The following ADAMTS16 variants were observed in gnomAD, a reference collection of about 807,000 sequenced individuals.
The protein encoded by ADAMTS16 is A disintegrin and metalloproteinase with thrombospondin motifs 16.
In ADAMTS16, 94 loss-of-function variants were observed where a neutral mutation model predicts 145.8. The observed-to-expected ratio is 0.64, with a 90% confidence interval of 0.55 to 0.77. The LOEUF is 0.77. ADAMTS16 is among the 30% of genes least tolerant of loss of function. The pLI is 0.00. For synonymous variants in ADAMTS16, 659 were observed against 604.3 expected, an observed-to-expected ratio of 1.09 and a Z score of -1.33; for missense variants, 1,585 against 1,591.5, an observed-to-expected ratio of 1.00 and a Z score of 0.07.
intron 13 of ADAMTS16, among the ~76,000 whole-genome samples, chr5:5,236,389 A>G (rs1354745985): frequency 2.6e-5 from 4 of 152,080 alleles, no homozygotes; most frequent in Non-Finnish European, 5.9e-5. Flanking sequence ...CTTGAAATGG[A>G]TTATTTAGGA....
rs187969203 is a variant in ADAMTS16 at position 5,191,242 on chromosome 5, G to T, written c.1208-443G>T. Among the ~76,000 whole-genome samples the T allele has an allele frequency of 5.9e-5, 9 of 152,310 alleles. No individual in the cohort carries two copies. In the East Asian group the frequency reaches 1.7e-3, roughly 29 times the overall value. ...AGGGTGACAAATGCTCGTTATGACA[G>T]ATGTGAATCATTAAAGCTGGGGGTG... is the stretch of plus-strand genomic sequence containing the variant. On this transcript the variant is annotated intron_variant, in intron 7 of 22. Coordinates refer to ENST00000274181, the MANE Select transcript of ADAMTS16 (RefSeq NM_139056.4).
At chr5:5,217,552 T>G (rs2126335940) in intron 10 of ADAMTS16, among the ~76,000 whole-genome samples, 1 of 152,304 alleles carries the variant, frequency 6.6e-6, no homozygotes, top group South Asian at 2.1e-4. Flanking sequence ...TTTGAGGAAG[T>G]GAATCTGGTA....
Position 5,256,157 on chromosome 5 carries a change from T to A in ADAMTS16, c.2663-6500T>A, listed in dbSNP as rs377214384. On this transcript the variant is annotated intron_variant, in intron 17 of 22. Transcript: ENST00000274181. ...ATGTGCTTTTCATCCATCAGCATTC[T>A]CAACTGAAGATTCTACTGTCCCTCA... Among the ~76,000 whole-genome samples, 18 of 152,356 alleles carry A rather than the reference T, an allele frequency of 1.2e-4. No individual in the cohort carries two copies. The East Asian group carries it at 3.5e-3, about 29-fold the overall frequency.
At chr5:5,194,751 A>T (rs949417555) in intron 8 of ADAMTS16, among the ~76,000 whole-genome samples, 2 of 152,236 alleles carry the variant, frequency 1.3e-5, no homozygotes, top group Non-Finnish European at 2.9e-5. Context: ...TGGAGCAAAC[A>T]TCAGAGCATC....
chr5:5,320,131 G>A lies in ADAMTS16; in HGVS notation c.*993G>A, dbSNP rs1442724036. 3.5e-5 allele frequency: 11 copies of A among 317,210 alleles called. No homozygotes were observed. The highest frequency in any genetic ancestry group is 5.9e-5 in the Non-Finnish European group (10 of 169,174). 19.6% of individuals were successfully genotyped at this position (317,210 alleles called of 1,614,324 possible). On this transcript the variant is annotated 3_prime_UTR_variant, in exon 23 of 23. Transcript: ENST00000274181. The surrounding 1 kb of genome is among the most constrained non-coding windows in gnomAD (Gnocchi z 5.1). ...TGGCCATTTCTATAATGCCAGGTGGGAAGCCAGGCTGCGGGTGTTAGGGTG... is the reference window on the plus strand; with the variant it reads ...TGGCCATTTCTATAATGCCAGGTGGAAAGCCAGGCTGCGGGTGTTAGGGTG...
intron 9 of ADAMTS16, among the ~76,000 whole-genome samples, chr5:5,202,797 G>C (rs1303943051): frequency 6.6e-6 from 1 of 152,088 alleles, no homozygotes; most frequent in African/African-American, 2.4e-5. Context: ...TATAATTTGG[G>C]TGTGTAGTGA....
chr5:5,319,122 C>G lies in ADAMTS16; in HGVS notation c.3659C>G (p.Ser1220Cys), dbSNP rs1397580036. The G allele has an allele frequency of 1.9e-6, 3 of 1,611,082 alleles. No individual in the cohort carries two copies. Among genetic ancestry groups the G allele is most frequent in the South Asian group, 1.1e-5 (1 of 90,186 alleles). ...GGCAAGCAGTGCTGCAAGACTTGCT[C>G]TAAGTCCAACTTGTGAGTTGGGACC... Reference protein sequence around the residue: ...FYGKQCCKTCSKSNL With the variant: ...FYGKQCCKTCCKSNL The change falls in exon 23 of 23, where the codon TCT becomes TGT. Residue 1220 changes from serine (S) to cysteine (C), a missense_variant. By Grantham distance (112) the Ser-to-Cys change is moderately radical (BLOSUM62 -1). Transcript: ENST00000274181.
At chr5:5,268,883 G>A (rs1738359015) in intron 18 of ADAMTS16, among the ~76,000 whole-genome samples, 1 of 152,122 alleles carries the variant, frequency 6.6e-6, no homozygotes, top group Admixed American at 6.5e-5. Context: ...CCAAGACGGA[G>A]GTAGTCGAGC....
chr5:5,158,078 C>T (rs1431479487), intron 3 of ADAMTS16, among the ~76,000 whole-genome samples: 1 of 152,212 alleles, frequency 6.6e-6, no homozygotes, highest in East Asian at 1.9e-4. Context: ...AGTAATATCA[C>T]ACTGTTTCAC....
In ADAMTS16 at chr5:5,232,349, T is replaced by C. The variant is rs371847143; in HGVS notation, c.1702-19T>C. On this transcript the variant is annotated intron_variant, in intron 11 of 22. Transcript: ENST00000274181. ...CATCTGTGTGAGTCAAGTCAACTTA[T>C]TTATGTTGAAAATTTTAGTGGTGCC... The C allele has an allele frequency of 1.2e-5, 20 of 1,613,732 alleles. No homozygotes were observed. Among genetic ancestry groups the C allele is most frequent in the Non-Finnish European group, 1.7e-5 (20 of 1,179,896 alleles).
In ADAMTS16 at chr5:5,297,112, C is replaced by T. The variant is rs534764138; in HGVS notation, c.2790-6156C>T. ...ACCTTGCTTCTGGGAGCACAGTCTCCACACACATAAGACGAGGCTGGTAAA... is the reference window on the plus strand; with the variant it reads ...ACCTTGCTTCTGGGAGCACAGTCTCTACACACATAAGACGAGGCTGGTAAA... On this transcript the variant is annotated intron_variant, in intron 18 of 22. Transcript: ENST00000274181. Among the ~76,000 whole-genome samples the T allele has an allele frequency of 2.0e-5, 3 of 152,282 alleles. No homozygotes were observed. In the East Asian group the frequency reaches 5.8e-4, roughly 29 times the overall value.
chr5:5,159,013 T>C (rs186231960), intron 3 of ADAMTS16, among the ~76,000 whole-genome samples: 1 of 152,370 alleles, frequency 6.6e-6, no homozygotes, highest in Admixed American at 6.5e-5. Flanking sequence ...GGCTGGCGCT[T>C]CTCGTAAAAT....
At chr5:5,292,745 C>A (rs1285004913) in intron 18 of ADAMTS16, among the ~76,000 whole-genome samples, 1 of 152,070 alleles carries the variant, frequency 6.6e-6, no homozygotes, top group Non-Finnish European at 1.5e-5. Flanking sequence ...GCCTCCTTGC[C>A]CTGCTGTCAC....
intron 10 of ADAMTS16, among the ~76,000 whole-genome samples, chr5:5,218,558 G>C (rs1175069090): frequency 1.3e-5 from 2 of 152,260 alleles, no homozygotes; most frequent in Non-Finnish European, 2.9e-5. Context: ...GTGTTAACCA[G>C]TTCAATAGAC....
chr5:5,140,899 T>C (rs1579265632), intron 2 of ADAMTS16, 133 bp downstream of exon 2: 10 of 795,210 alleles, frequency 1.3e-5, no homozygotes, highest in Middle Eastern at 3.6e-4. Context: ...TTGTGAACTT[T>C]TTTTTTTTTT....
At chr5:5,246,967 T>C (rs1462763364) in intron 17 of ADAMTS16, among the ~76,000 whole-genome samples, 1 of 152,200 alleles carries the variant, frequency 6.6e-6, no homozygotes, top group Non-Finnish European at 1.5e-5. Context: ...TCCAGGCCTG[T>C]GGGCAGGAAG....
At chr5:5,161,820 G>T (rs1259940220) in intron 3 of ADAMTS16, among the ~76,000 whole-genome samples, 1 of 152,066 alleles carries the variant, frequency 6.6e-6, no homozygotes, top group Non-Finnish European at 1.5e-5. Flanking sequence ...CATTTATGTG[G>T]GTCTTCAGAA....
At chr5:5,229,156 G>A (rs1319961364) in intron 11 of ADAMTS16, among the ~76,000 whole-genome samples, 1 of 151,570 alleles carries the variant, frequency 6.6e-6, no homozygotes, top group South Asian at 2.1e-4. Flanking sequence ...AAATTAGCCG[G>A]GCGCGGTGGC....
At chr5:5,172,374 G>A (rs1232754566) in intron 3 of ADAMTS16, among the ~76,000 whole-genome samples, 2 of 151,766 alleles carry the variant, frequency 1.3e-5, no homozygotes, top group Non-Finnish European at 2.9e-5. Flanking sequence ...ATTGATGTAG[G>A]CAGTTATACC....
Sources: gnomAD v4.1 joint callset for allele counts (sites outside exome capture counted in the v4.1 genomes callset) on GRCh38, gnomAD v4.1.1 for gene constraint, Gnocchi (gnomAD v3.1) non-coding constraint, MANE v1.5 for transcripts, NCBI Gene and HGNC (gene_info 2026-07-23, HGNC 2026-07-21) for gene names.